Variants in EGFLAM observed in about 807,000 individuals in gnomAD.
EGFLAM encodes EGF like, fibronectin type III and laminin G domains.
Under a neutral mutation model 113.1 loss-of-function variants are expected in EGFLAM, and 79 were observed. The ratio of observed to expected loss-of-function variants is 0.70; its 90% CI spans 0.58 to 0.84. EGFLAM has a LOEUF of 0.84. Among genes scored for constraint, EGFLAM ranks in the 40% least tolerant of loss-of-function variants. EGFLAM has a pLI of 0.00. For missense variants in EGFLAM, 1,265 were observed against 1,291.6 expected, an observed-to-expected ratio of 0.98 and a Z score of 0.32; for synonymous variants, 504 against 487.6, an observed-to-expected ratio of 1.03 and a Z score of -0.44.
chr5:38,358,275 C>T (rs972880819), intron 5 of EGFLAM, among the ~76,000 whole-genome samples: 25 of 151,568 alleles, frequency 1.6e-4, no homozygotes, highest in African/African-American at 5.8e-4. Context: ...GAAACCCCGT[C>T]TCTACTAAAA....
rs142444006 is a variant in EGFLAM at position 38,385,595 on chromosome 5, A to C, written c.712+15133A>C. On this transcript the variant is annotated intron_variant, in intron 6 of 21. Transcript: ENST00000322350. ...ATCTGCAGCTGCAGAACCCACTGAT[A>C]CTGATGTGGAGGGTCAATTGTATAG... is the stretch of plus-strand genomic sequence containing the variant. Among the ~76,000 whole-genome samples the C allele has an allele frequency of 5.0e-4, 76 of 152,182 alleles. 1 individual carries two copies. In the South Asian group the frequency reaches 0.013, roughly 27 times the overall value.
In EGFLAM at chr5:38,258,622, C is replaced by T; in HGVS notation, c.-133C>T. ...TTGGAACTACCCGTGTTTCCGGGCC[C>T]AGCCCTCGCAGCCCCCCACCTCCTC... On this transcript the variant is annotated 5_prime_UTR_variant, in exon 1 of 22. Transcript: ENST00000322350. 2 of 1,016,408 alleles carry T rather than the reference C, an allele frequency of 2.0e-6. No individual in the cohort carries two copies. Among genetic ancestry groups the T allele is most frequent in the Admixed American group, 2.1e-5 (1 of 47,876 alleles). The allele number at this position is 1,016,408 out of a possible 1,614,324, so 63.0% of individuals were successfully genotyped here. A position where few individuals can be genotyped will look rare whatever the true frequency, so the allele number is the denominator to read the frequency against.
In EGFLAM at chr5:38,448,197, A is replaced by G. The variant is rs1191214499; in HGVS notation, c.2465-104A>G. Reference sequence around the variant, plus strand: ...GAAGGGAAGGGGCTGATGAATTGTTAAACATCCTATTTCCAGGAGCTGGGT... The same window carrying G: ...GAAGGGAAGGGGCTGATGAATTGTTGAACATCCTATTTCCAGGAGCTGGGT... On this transcript the variant is annotated intron_variant, in intron 17 of 21. Coordinates refer to ENST00000322350, the MANE Select transcript of EGFLAM (RefSeq NM_152403.4). 4 of 1,249,414 alleles carry G rather than the reference A, an allele frequency of 3.2e-6. 1 individual carries two copies. In the South Asian group the frequency reaches 4.9e-5, roughly 15 times the overall value. 77.4% of individuals were successfully genotyped at this position (1,249,414 alleles called of 1,614,324 possible).
intron 10 of EGFLAM, 33 bp from the exon 11 acceptor site, chr5:38,412,470 CA>C (rs1180451974): frequency 6.2e-7 from 1 of 1,613,838 alleles, no homozygotes; most frequent in Non-Finnish European, 8.5e-7. Context: ...CCTGGTTCGT[CA>C]AGAAATCTTC....
chr5:38,299,581 T>G (rs371135959), intron 1 of EGFLAM, among the ~76,000 whole-genome samples: 3 of 152,272 alleles, frequency 2.0e-5, no homozygotes, highest in South Asian at 4.1e-4. Flanking sequence ...GCTCTGAGAT[T>G]GTTGGATCAT....
intron 14 of EGFLAM, among the ~76,000 whole-genome samples, chr5:38,428,076 T>C (rs1742075139): frequency 6.6e-6 from 1 of 152,198 alleles, no homozygotes; most frequent in Non-Finnish European, 1.5e-5. Context: ...CATGCAGACA[T>C]GCTTCTTGTT....
At chr5:38,387,769 G>A (rs565796330) in intron 6 of EGFLAM, among the ~76,000 whole-genome samples, 11 of 152,268 alleles carry the variant, frequency 7.2e-5, no homozygotes, top group South Asian at 4.1e-4. Context: ...TATTTATTTC[G>A]AAAACGTTTC....
intron 21 of EGFLAM, 92 bp downstream of exon 21, chr5:38,463,103 G>T (rs1053029428): frequency 1.6e-6 from 2 of 1,230,418 alleles, no homozygotes; most frequent in African/African-American, 1.5e-5. Context: ...TACTTTGCTG[G>T]ATCAAATACC....
intron 1 of EGFLAM, among the ~76,000 whole-genome samples, chr5:38,264,866 C>A (rs552195673): frequency 6.6e-6 from 1 of 152,222 alleles, no homozygotes; most frequent in East Asian, 1.9e-4. Context: ...TAGCGCCCCA[C>A]GCAATTCAGG....
intron 1 of EGFLAM, among the ~76,000 whole-genome samples, chr5:38,309,760 C>T (rs1165873607): frequency 6.6e-6 from 1 of 152,214 alleles, no homozygotes; most frequent in Non-Finnish European, 1.5e-5. Context: ...GCACTTGCTT[C>T]TTTTGTTTAA....
chr5:38,431,406 T>TA, intron 15 of EGFLAM, 118 bp downstream of exon 15: 3 of 976,598 alleles, frequency 3.1e-6, no homozygotes, highest in Non-Finnish European at 4.5e-6. Context: ...TCAGTGCCTG[T>TA]GTGGAAATCC....
chr5:38,424,059 C>G (rs938014618), intron 12 of EGFLAM, among the ~76,000 whole-genome samples: 1 of 152,138 alleles, frequency 6.6e-6, no homozygotes, highest in African/African-American at 2.4e-5. Flanking sequence ...CAGAGGCACG[C>G]CCTTCTACCT....
chr5:38,412,456 A>G (rs1741510088), intron 10 of EGFLAM, 48 bp from the exon 11 acceptor site: 1 of 1,613,546 alleles, frequency 6.2e-7, no homozygotes, highest in Non-Finnish European at 8.5e-7. Flanking sequence ...TGAAAACATA[A>G]TGGCCTGGTT....
intron 4 of EGFLAM, among the ~76,000 whole-genome samples, chr5:38,351,803 C>A (rs1447688478): frequency 6.6e-6 from 1 of 152,142 alleles, no homozygotes; most frequent in African/African-American, 2.4e-5. Flanking sequence ...AGGTAAATAT[C>A]AGTTCTGACA....
intron 1 of EGFLAM, among the ~76,000 whole-genome samples, chr5:38,319,434 A>G (rs1455435045): frequency 6.6e-6 from 1 of 152,236 alleles, no homozygotes; most frequent in African/African-American, 2.4e-5. Flanking sequence ...CATTTAGTCA[A>G]TCAGGCAGCA....
chr5:38,315,694 G>A (rs1361610090), intron 1 of EGFLAM, among the ~76,000 whole-genome samples: 1 of 152,154 alleles, frequency 6.6e-6, no homozygotes. Flanking sequence ...GTGACTGGGG[G>A]AAGTTATTTA....
intron 1 of EGFLAM, among the ~76,000 whole-genome samples, chr5:38,308,109 CCTCTACGTG>C (rs1178555758): frequency 1.3e-5 from 2 of 152,220 alleles, no homozygotes; most frequent in Non-Finnish European, 2.9e-5. Context: ...CAGACTTCTT[CCTCTACGTG>C]CTTTTTAAAT....
intron 9 of EGFLAM, 145 bp downstream of exon 9, chr5:38,408,050 C>G (rs1183946503): frequency 3.2e-6 from 2 of 616,738 alleles, no homozygotes; most frequent in Non-Finnish European, 5.8e-6. Context: ...TCTAAACCAG[C>G]TCATGAGACA....
intron 1 of EGFLAM, among the ~76,000 whole-genome samples, chr5:38,259,841 AAG>A (rs1172583803): frequency 6.6e-6 from 1 of 152,232 alleles, no homozygotes; most frequent in Non-Finnish European, 1.5e-5. Flanking sequence ...TTCTGTAAGA[AAG>A]AGGCAAAGCT....
Sources: allele counts gnomAD v4.1 joint callset (sites outside exome capture counted in the v4.1 genomes callset), GRCh38; gene constraint gnomAD v4.1.1; transcripts MANE v1.5; gene names NCBI Gene and HGNC (gene_info 2026-07-23, HGNC 2026-07-21).